Variants in TMEM266 observed in about 807,000 individuals in gnomAD.
TMEM266 encodes the protein Hv1 related protein 1.
A neutral mutation model predicts 50.5 loss-of-function variants in TMEM266; 33 were observed. The ratio of observed to expected loss-of-function variants is 0.65; its 90% CI spans 0.50 to 0.87. The LOEUF (loss-of-function observed/expected upper bound fraction) is 0.87, where lower values mean the gene tolerates loss of function less well. TMEM266 is among the 40% of genes least tolerant of loss of function. The probability of loss-of-function intolerance (pLI) is 0.00; values close to 1 mark genes in which losing one functional copy is unlikely to be tolerated. For synonymous variants in TMEM266, 310 were observed against 292.3 expected (o/e 1.06, Z -0.62); for missense variants, 655 against 695.1 (o/e 0.94, Z 0.65).
intron 1 of TMEM266, among the ~76,000 whole-genome samples, chr15:76,110,983 C>T (rs2037162507): frequency 6.6e-6 from 1 of 152,144 alleles, no homozygotes. Context: ...ACCGACAACA[C>T]CAGATGCTGG....
intron 1 of TMEM266, among the ~76,000 whole-genome samples, chr15:76,129,150 GAATT>G (rs1374311548): frequency 6.6e-6 from 1 of 152,070 alleles, no homozygotes; most frequent in Non-Finnish European, 1.5e-5. Flanking sequence ...AAACCTTAAT[GAATT>G]AATTGATATA....
At position 76,160,617 on chromosome 15, in the gene TMEM266, G is replaced by C. The variant is rs78789335; in HGVS notation, c.456+449G>C. The stretch of plus-strand genomic sequence containing the variant: ...CGGACCTTTGGGGCTGAAGCACGCA[G>C]TGGGTGGGGGAACGGGGTCACAGGG... On this transcript the variant is annotated intron_variant, in intron 5 of 10. Coordinates refer to ENST00000388942, the MANE Select transcript of TMEM266 (RefSeq NM_152335.3). This position sits in a 1 kb window ranked among gnomAD's most constrained non-coding sequence, Gnocchi z 5.7. 9.2e-5 allele frequency among the ~76,000 whole-genome samples: 14 copies of C among 152,330 alleles called. No homozygotes were observed. The highest frequency in any genetic ancestry group is 3.4e-4 in the African/African-American group (14 of 41,580).
intron 3 of TMEM266, among the ~76,000 whole-genome samples, chr15:76,145,607 A>G (rs936994393): frequency 9.9e-5 from 15 of 152,232 alleles, no homozygotes; most frequent in Non-Finnish European, 1.9e-4. Flanking sequence ...AGAGTACATT[A>G]CTGTTACTCC....
chr15:76,177,866 C>T (rs777083979), intron 8 of TMEM266, among the ~76,000 whole-genome samples: 14 of 152,256 alleles, frequency 9.2e-5, no homozygotes, highest in Non-Finnish European at 1.9e-4. Context: ...TTTGGCAGCC[C>T]ATAAATAGGC....
intron 2 of TMEM266, among the ~76,000 whole-genome samples, chr15:76,135,673 T>C (rs2037577366): frequency 6.6e-6 from 1 of 152,218 alleles, no homozygotes; most frequent in Admixed American, 6.5e-5. Context: ...ACATTCTGTT[T>C]CGTTTAAAGA....
chr15:76,069,530 C>A (rs2036502692), intron 1 of TMEM266, among the ~76,000 whole-genome samples: 1 of 152,022 alleles, frequency 6.6e-6, no homozygotes, highest in Non-Finnish European at 1.5e-5. Flanking sequence ...AGAAACATAC[C>A]CTGGTGGGCC....
At position 76,167,053 on chromosome 15, in the gene TMEM266, T is replaced by TG. The variant is rs2038108408; in HGVS notation, c.457-2761dup. ...AGGCCGTATTCCCATCTTCCCAGCC[T>TG]GGACTTTTGTCTTGGACACCCCAGA... On this transcript the variant is annotated intron_variant, in intron 5 of 10. Transcript: ENST00000388942. Among the ~76,000 whole-genome samples the TG allele has an allele frequency of 3.3e-5, 5 of 152,336 alleles. No homozygotes were observed. In the South Asian group the frequency reaches 1.0e-3, roughly 32 times the overall value.
At chr15:76,091,409 G>A (rs976367331) in intron 1 of TMEM266, among the ~76,000 whole-genome samples, 1 of 152,016 alleles carries the variant, frequency 6.6e-6, no homozygotes, top group Non-Finnish European at 1.5e-5. Flanking sequence ...TAAGGGCCGG[G>A]AGTGGTGGCC....
intron 1 of TMEM266, among the ~76,000 whole-genome samples, chr15:76,064,077 A>G (rs925520675): frequency 6.6e-6 from 1 of 152,194 alleles, no homozygotes; most frequent in African/African-American, 2.4e-5. Context: ...ATGGGAATGC[A>G]TAATGTTTTT....
chr15:76,122,813 C>T lies in TMEM266; in HGVS notation c.-96-11355C>T, dbSNP rs79192348. On this transcript the variant is annotated intron_variant, in intron 1 of 10. Transcript: ENST00000388942. ...ATTTTCAGCCTAGGCCAGCTAGGGGCGAGGAGCAAGTGGATCCTTTGTCTC... is the reference window on the plus strand; with the variant it reads ...ATTTTCAGCCTAGGCCAGCTAGGGGTGAGGAGCAAGTGGATCCTTTGTCTC... 9.2e-5 allele frequency among the ~76,000 whole-genome samples: 14 copies of T among 151,580 alleles called. No homozygotes were observed. In the East Asian group the frequency reaches 1.2e-3, roughly 13 times the overall value.
intron 1 of TMEM266, among the ~76,000 whole-genome samples, chr15:76,078,260 C>T (rs1178785591): frequency 6.6e-6 from 1 of 152,046 alleles, no homozygotes; most frequent in Non-Finnish European, 1.5e-5. Context: ...GCTTTGATTC[C>T]ATGCGACTTA....
At chr15:76,180,985 T>C (rs2038395658) in intron 8 of TMEM266, 1 of 150,834 alleles carries the variant, frequency 6.6e-6, no homozygotes, top group South Asian at 2.1e-4. Flanking sequence ...GTGAGCCTGT[T>C]GGCCAGTTTC....
intron 1 of TMEM266, among the ~76,000 whole-genome samples, chr15:76,118,198 G>A (rs890844124): frequency 6.6e-6 from 1 of 152,136 alleles, no homozygotes; most frequent in East Asian, 1.9e-4. Context: ...CCACTCAGCT[G>A]GCCTTCAGCA....
At chr15:76,183,878 G>A (rs532315230) in intron 8 of TMEM266, among the ~76,000 whole-genome samples, 4 of 152,192 alleles carry the variant, frequency 2.6e-5, no homozygotes, top group Non-Finnish European at 5.9e-5. Flanking sequence ...CATCCCCTTC[G>A]CTGTCTTTCA....
rs140355111 is a variant in TMEM266, at chr15:76,167,810, T to C, written c.457-2006T>C. Among the ~76,000 whole-genome samples the C allele has an allele frequency of 4.5e-3, 686 of 152,226 alleles. 9 individuals carry two copies. Among genetic ancestry groups the C allele is most frequent in the African/African-American group, 0.016 (659 of 41,552 alleles). On this transcript the variant is annotated intron_variant, in intron 5 of 10. Coordinates refer to ENST00000388942, the MANE Select transcript of TMEM266 (RefSeq NM_152335.3). ...GCCATCGCGCCTGCTTGTTACATGGTGTTCTTACACAGCTGAGTACACTCT... is the reference window on the plus strand; with the variant it reads ...GCCATCGCGCCTGCTTGTTACATGGCGTTCTTACACAGCTGAGTACACTCT...
At chr15:76,075,638 A>C (rs948378467) in intron 1 of TMEM266, among the ~76,000 whole-genome samples, 8 of 151,922 alleles carry the variant, frequency 5.3e-5, no homozygotes, top group Admixed American at 4.6e-4. Flanking sequence ...TACATGCTTC[A>C]CACTTCTAGG....
intron 1 of TMEM266, among the ~76,000 whole-genome samples, chr15:76,083,079 C>G (rs568048451): frequency 5.3e-5 from 8 of 152,184 alleles, no homozygotes; most frequent in African/African-American, 1.7e-4. Context: ...GGATCCACCC[C>G]CATGACCCAA....
intron 9 of TMEM266, among the ~76,000 whole-genome samples, chr15:76,197,231 C>G (rs1372812081): frequency 6.6e-6 from 1 of 152,226 alleles, no homozygotes; most frequent in Non-Finnish European, 1.5e-5. Context: ...GACCGGGACA[C>G]TGGGGACCCC....
At chr15:76,095,574 TC>T (rs1447795663) in intron 1 of TMEM266, among the ~76,000 whole-genome samples, 2 of 152,228 alleles carry the variant, frequency 1.3e-5, no homozygotes, top group Non-Finnish European at 2.9e-5. Context: ...CCTGAAATTT[TC>T]TTTTTTTATT....
Sources: allele counts gnomAD v4.1 joint callset (sites outside exome capture counted in the v4.1 genomes callset), GRCh38; gene constraint gnomAD v4.1.1; non-coding constraint Gnocchi (gnomAD v3.1); transcripts MANE v1.5; gene names NCBI Gene and HGNC (gene_info 2026-07-23, HGNC 2026-07-21).